Variants in C13orf46 observed in about 807,000 individuals in gnomAD.
The protein encoded by C13orf46 is chromosome 13 open reading frame 46.
At chr13:113,941,457 G>A in the C13orf46 span, among the ~76,000 whole-genome samples, 6 of 142,128 alleles carry the variant, frequency 4.2e-5, no homozygotes, top group East Asian at 2.1e-4. Context: ...CTGAGCGTTC[G>A]AGATCCTGGT....
At chr13:113,937,596 C>T in the C13orf46 span, among the ~76,000 whole-genome samples, 24 of 152,284 alleles carry the variant, frequency 1.6e-4, no homozygotes, top group Middle Eastern at 3.4e-3. Context: ...TGTGACACAG[C>T]CTCCGGAGGT....
chr13:113,966,279 G>C (rs2052646542), intron 5 of C13orf46, among the ~76,000 whole-genome samples: 1 of 150,500 alleles, frequency 6.6e-6, no homozygotes, highest in Non-Finnish European at 1.5e-5. Context: ...AGTGATGGTG[G>C]TGATGATGGT....
At chr13:113,943,031 C>T in the C13orf46 span, among the ~76,000 whole-genome samples, 1 of 152,200 alleles carries the variant, frequency 6.6e-6, no homozygotes, top group Non-Finnish European at 1.5e-5. Flanking sequence ...GGTCCCTGGG[C>T]CCTGACAGTC....
the C13orf46 span, among the ~76,000 whole-genome samples, chr13:113,932,763 C>T: frequency 6.6e-6 from 1 of 152,014 alleles, no homozygotes; most frequent in South Asian, 2.1e-4. Flanking sequence ...TTTTTGTGTT[C>T]TATTTAAAAA....
downstream of C13orf46, among the ~76,000 whole-genome samples, chr13:113,948,759 C>T (rs1368043444): frequency 6.6e-6 from 1 of 152,200 alleles, no homozygotes; most frequent in Non-Finnish European, 1.5e-5. Flanking sequence ...CTACAAAACG[C>T]TACTGAGATA....
At chr13:113,950,470 G>C (rs1396388112), downstream of C13orf46, among the ~76,000 whole-genome samples, 1 of 151,292 alleles carries the variant, frequency 6.6e-6, no homozygotes, top group East Asian at 1.9e-4. Context: ...TGGGCACCTC[G>C]GTGCTCCCAT....
rs2052499579 is a variant in C13orf46, at chr13:113,953,791, C to A, written c.*2982G>T. On this transcript the variant is annotated 3_prime_UTR_variant, in exon 7 of 7. Transcript: ENST00000636427. ...GCCGCCTCCTGCCCCACCAAGGGGA[C>A]AAACCAACCGTATTTCCGGAAGCTT... The A allele has an allele frequency of 6.6e-6, 1 of 152,280 alleles. No homozygotes were observed. The highest frequency in any genetic ancestry group is 6.5e-5 in the Admixed American group (1 of 15,286). 9.4% of individuals were successfully genotyped at this position (152,280 alleles called of 1,614,324 possible).
intron 1 of C13orf46, chr13:113,970,516 T>G (rs2052692769): frequency 6.6e-6 from 1 of 152,284 alleles, no homozygotes; most frequent in Non-Finnish European, 1.5e-5. Context: ...CCAGCCGCCT[T>G]ACAGTAAACA....
intron 5 of C13orf46, among the ~76,000 whole-genome samples, chr13:113,966,371 G>GTGA (rs1430259998): frequency 6.7e-6 from 1 of 149,826 alleles, no homozygotes; most frequent in East Asian, 2.0e-4. Flanking sequence ...ATTAATGATG[G>GTGA]TGATGATGAT....
intron 1 of C13orf46, among the ~76,000 whole-genome samples, chr13:113,970,682 C>A (rs897323280): frequency 1.3e-5 from 2 of 152,212 alleles, no homozygotes; most frequent in African/African-American, 4.8e-5. Flanking sequence ...GACTTGAAAC[C>A]CCACTTGGCT....
chr13:113,963,155 A>G (rs1031892533), intron 6 of C13orf46, among the ~76,000 whole-genome samples: 1 of 152,100 alleles, frequency 6.6e-6, no homozygotes, highest in East Asian at 1.9e-4. Flanking sequence ...GTACAGCTGC[A>G]GCCCCTGTCC....
chr13:113,945,622 AAG>A, the C13orf46 span, among the ~76,000 whole-genome samples: 8 of 122,216 alleles, frequency 6.5e-5, no homozygotes, highest in East Asian at 6.4e-4. Flanking sequence ...GAAAGAAAGA[AAG>A]AAAGAAAGAA....
the C13orf46 span, among the ~76,000 whole-genome samples, chr13:113,930,428 G>GCGCAGGAGCACCGAGGCGGGGA: frequency 6.8e-6 from 1 of 147,568 alleles, no homozygotes; most frequent in African/African-American, 2.6e-5. Flanking sequence ...CGAGGCGGGG[G>GCGCAGGAGCACCGAGGCGGGGA]CGCGGGAGCA....
At chr13:113,929,089 C>T in the C13orf46 span, among the ~76,000 whole-genome samples, 2 of 152,230 alleles carry the variant, frequency 1.3e-5, no homozygotes, top group Non-Finnish European at 2.9e-5. Flanking sequence ...CAGCCGTGGG[C>T]CCCTGCCCTG....
chr13:113,936,264 T>C, the C13orf46 span, among the ~76,000 whole-genome samples: 1 of 152,176 alleles, frequency 6.6e-6, no homozygotes, highest in African/African-American at 2.4e-5. Context: ...TCCATGAGTG[T>C]TGATAGAACA....
At chr13:113,929,789 C>T in the C13orf46 span, among the ~76,000 whole-genome samples, 1 of 152,234 alleles carries the variant, frequency 6.6e-6, no homozygotes, top group Non-Finnish European at 1.5e-5. Context: ...CCCCTGGAGT[C>T]CCGGAGCATC....
chr13:113,939,403 T>TG, the C13orf46 span, among the ~76,000 whole-genome samples: 2 of 149,068 alleles, frequency 1.3e-5, no homozygotes, highest in Non-Finnish European at 3.0e-5. Flanking sequence ...GACCACCCGA[T>TG]GGGGAGGACG....
intron 6 of C13orf46, among the ~76,000 whole-genome samples, chr13:113,958,742 T>C (rs1427140425): frequency 6.6e-6 from 1 of 152,194 alleles, no homozygotes; most frequent in Admixed American, 6.5e-5. Context: ...TTGGCAATCA[T>C]CGTGCCCATG....
the C13orf46 span, among the ~76,000 whole-genome samples, chr13:113,944,352 A>T: frequency 1.9e-3 from 294 of 152,278 alleles, 3 homozygotes; most frequent in African/African-American, 6.9e-3. Context: ...TGCTGAGGCC[A>T]TCCTGCTGCC....
Sources: allele counts gnomAD v4.1 joint callset (sites outside exome capture counted in the v4.1 genomes callset), GRCh38; gene constraint gnomAD v4.1.1; transcripts MANE v1.5; gene names NCBI Gene and HGNC (gene_info 2026-07-23, HGNC 2026-07-21).